CGREF1: variants seen among roughly 807,000 people sequenced by gnomAD.
The protein encoded by CGREF1 is cell growth regulator with EF-hand domain 1, also known as cell growth regulator with EF hand domain protein 1.
CGREF1 carries 16 observed loss-of-function variants against 17.4 expected under a neutral mutation model. The ratio of observed to expected loss-of-function variants is 0.92; its 90% CI spans 0.62 to 1.40. The LOEUF is 1.40. Among genes scored for constraint, CGREF1 ranks in the 40% most tolerant of loss-of-function variants. The probability of loss-of-function intolerance (pLI) is 0.00; values close to 1 mark genes in which losing one functional copy is unlikely to be tolerated. For synonymous variants in CGREF1, 142 were observed against 154.6 expected, an observed-to-expected ratio of 0.92 and a Z score of 0.61; for missense variants, 296 against 376.4, an observed-to-expected ratio of 0.79 and a Z score of 1.77.
Position 27,102,186 on chromosome 2 carries a change from G to C in CGREF1, c.253C>G (p.Gln85Glu). ...LYLFALHDYD[Q>E]SGQLDGLELL... is the part of the protein sequence containing the mutation. ...TCCAGGCCATCCAGCTGTCCACTCT[G>C]GTCATAGTCATGGAGGGCAAAGAGG... The change falls in exon 5 of 6, where the codon CAG becomes GAG. Residue 85 changes from glutamine (Q) to glutamate (E), a missense_variant. By Grantham distance (29) the Gln-to-Glu change is conservative. This residue lies in a region of CGREF1 where 247 missense variants were observed against 267.2 expected (regional missense o/e 0.92). Transcript: ENST00000402394. 1 of 1,612,556 alleles carries C rather than the reference G, an allele frequency of 6.2e-7. No individual in the cohort carries two copies. Among genetic ancestry groups the C allele is most frequent in the Non-Finnish European group, 8.5e-7 (1 of 1,178,752 alleles).
At position 27,108,309 on chromosome 2, in the gene CGREF1, A is replaced by G. The variant is rs569845374; in HGVS notation, c.-11-3932T>C. Among the ~76,000 whole-genome samples, 5 of 152,336 alleles carry G rather than the reference A, an allele frequency of 3.3e-5. No homozygotes were observed. The South Asian group carries it at 1.0e-3, about 32-fold the overall frequency. ...AAAATGCAACGGGTGAGTTAAATTG[A>G]TTAGACACAACTGATATGAGAGTTA... On this transcript the variant is annotated intron_variant, in intron 1 of 5. Coordinates refer to ENST00000402394, the MANE Select transcript of CGREF1 (RefSeq NM_006569.6).
chr2:27,104,812 T>G, intron 1 of CGREF1: 1 of 1,451,360 alleles, frequency 6.9e-7, no homozygotes, highest in Non-Finnish European at 9.1e-7. Context: ...AGACCAAGAC[T>G]TAAACACAGG....
At position 27,102,459 on chromosome 2, in the gene CGREF1, GA is replaced by G. The variant is rs765209917; in HGVS notation, c.147-30del. The G allele has an allele frequency of 1.5e-5, 24 of 1,613,570 alleles. No individual in the cohort carries two copies. In the East Asian group the frequency reaches 4.9e-4, roughly 33 times the overall value. Reference sequence around the variant, plus strand: ...TCAGAAAAGTGGAGAATCAGCCCGGGAGAGGTGAGTCTGCAGCCCTGGGCCT... The same window carrying G: ...TCAGAAAAGTGGAGAATCAGCCCGGGGAGGTGAGTCTGCAGCCCTGGGCCT... On this transcript the variant is annotated intron_variant, in intron 3 of 5. Coordinates refer to ENST00000402394, the MANE Select transcript of CGREF1 (RefSeq NM_006569.6).
intron 1 of CGREF1, among the ~76,000 whole-genome samples, chr2:27,112,013 TCTCAC>T (rs1252897825): frequency 6.6e-6 from 1 of 152,190 alleles, no homozygotes; most frequent in Non-Finnish European, 1.5e-5. Flanking sequence ...CACTGTCACC[TCTCAC>T]CAGCACTTTG....
downstream of CGREF1, chr2:27,099,847 A>C: frequency 3.9e-6 from 6 of 1,555,348 alleles, no homozygotes; most frequent in Non-Finnish European, 5.2e-6. Flanking sequence ...TGCCCTGTTC[A>C]GGGGACAGAT....
At chr2:27,099,730 G>A (rs749711671), downstream of CGREF1, 4 of 1,614,142 alleles carry the variant, frequency 2.5e-6, no homozygotes, top group South Asian at 1.1e-5. Context: ...TGGCCTGCAG[G>A]GCTTTGATGG....
At position 27,100,623 on chromosome 2, in the gene CGREF1, C is replaced by T. The variant is rs1248356502; in HGVS notation, c.*651G>A. On this transcript the variant is annotated 3_prime_UTR_variant, in exon 6 of 6. Coordinates refer to ENST00000402394, the MANE Select transcript of CGREF1 (RefSeq NM_006569.6). ...TTAAAATCTGCCATTTAATTAGCTG[C>T]ATATCACCTTAGGGTACAGCACTTA... The T allele has an allele frequency of 2.8e-5, 33 of 1,176,344 alleles. 1 individual carries two copies. The highest frequency in any genetic ancestry group is 2.3e-4 in the Middle Eastern group (1 of 4,406). The allele number at this position is 1,176,344 out of a possible 1,614,324, so 72.9% of individuals were successfully genotyped here. A position where few individuals can be genotyped will look rare whatever the true frequency, so the allele number is the denominator to read the frequency against.
chr2:27,108,671 T>G (rs2148390809), intron 1 of CGREF1, among the ~76,000 whole-genome samples: 1 of 137,858 alleles, frequency 7.3e-6, no homozygotes, highest in Non-Finnish European at 1.6e-5. Context: ...GGAAAAGTAA[T>G]TAGACTGATA....
chr2:27,101,206 T>C lies in CGREF1; in HGVS notation c.*68A>G. The C allele has an allele frequency of 6.6e-7, 1 of 1,508,526 alleles. No homozygotes were observed. The allele number at this position is 1,508,526 out of a possible 1,614,324, so 93.4% of individuals were successfully genotyped here. On this transcript the variant is annotated 3_prime_UTR_variant, in exon 6 of 6. Transcript: ENST00000402394. ...AGATGGTCCTTGTCCCAGCGTACAT[T>C]TCCCCTGCCCACTTCAGGGCTTATG... is the stretch of plus-strand genomic sequence containing the variant.
At chr2:27,107,770 T>C (rs1311696436) in intron 1 of CGREF1, among the ~76,000 whole-genome samples, 1 of 149,944 alleles carries the variant, frequency 6.7e-6, no homozygotes, top group Non-Finnish European at 1.5e-5. Context: ...CCGTCTCTAC[T>C]AAAAATACAA....
Position 27,101,434 on chromosome 2 carries a change from TC to T in CGREF1, c.796del (p.Glu266LysfsTer56). The T allele has an allele frequency of 2.6e-4, 288 of 1,129,118 alleles. No homozygotes were observed. Among genetic ancestry groups the T allele is most frequent in the East Asian group, 8.7e-4 (15 of 17,292 alleles). The allele number at this position is 1,129,118 out of a possible 1,614,324, so 69.9% of individuals were successfully genotyped here. A position where few individuals can be genotyped will look rare whatever the true frequency, so the allele number is the denominator to read the frequency against. ...RGEAGGQAEA[E>X]GDAPGPRGEA... ...CCCTCTGGGCCCGGGGGCATCTCCT[TC>T]AGCCTCTGCCTGGCCCCCAGCTTCC... On this transcript the variant is annotated frameshift_variant, in exon 6 of 6. Coordinates refer to ENST00000402394, the MANE Select transcript of CGREF1 (RefSeq NM_006569.6). LOFTEE classifies it low-confidence loss of function (END_TRUNC).
chr2:27,103,881 G>A (rs890511667), intron 2 of CGREF1, among the ~76,000 whole-genome samples: 1 of 152,100 alleles, frequency 6.6e-6, no homozygotes, highest in Admixed American at 6.5e-5. Context: ...TACTCGGGAG[G>A]CTGAGGCAGA....
intron 2 of CGREF1, chr2:27,102,958 C>A (rs1670963944): frequency 1.0e-6 from 1 of 985,336 alleles, no homozygotes; most frequent in South Asian, 4.7e-5. Flanking sequence ...TGCTGGGAGC[C>A]AAGGGACAGG....
downstream of CGREF1, chr2:27,100,096 G>A (rs1670717998): frequency 2.6e-5 from 15 of 586,364 alleles, 1 homozygote; most frequent in South Asian, 2.8e-4. Flanking sequence ...GGGGCTGCCT[G>A]GGCTAGAGCA....
chr2:27,116,713 GCA>G (rs1303959142), intron 1 of CGREF1, among the ~76,000 whole-genome samples: 1 of 150,440 alleles, frequency 6.6e-6, no homozygotes, highest in South Asian at 2.1e-4. Context: ...GGGATTACAG[GCA>G]TGTGCCACCA....
downstream of CGREF1, chr2:27,100,494 G>T (rs1404645455): frequency 1.5e-6 from 2 of 1,290,990 alleles, no homozygotes; most frequent in East Asian, 5.5e-5. Context: ...GGTCCGATCT[G>T]GAACACATAT....
chr2:27,100,148 G>A, downstream of CGREF1: 1 of 517,396 alleles, frequency 1.9e-6, no homozygotes, highest in Non-Finnish European at 3.5e-6. Flanking sequence ...TGCCCTGGCT[G>A]GGGAGGACAC....
chr2:27,102,194 TC>T lies in CGREF1; in HGVS notation c.244del (p.Asp82ThrfsTer17). ...QVLLYLFALH[D>X]YDQSGQLDGL... The stretch of plus-strand genomic sequence containing the variant: ...ATCCAGCTGTCCACTCTGGTCATAG[TC>T]ATGGAGGGCAAAGAGGTAGAGGAGA... On this transcript the variant is annotated frameshift_variant, in exon 5 of 6. Coordinates refer to ENST00000402394, the MANE Select transcript of CGREF1 (RefSeq NM_006569.6). LOFTEE classifies it high-confidence loss of function. 1 of 1,612,342 alleles carries T rather than the reference TC, an allele frequency of 6.2e-7. No homozygotes were observed. The highest frequency in any genetic ancestry group is 8.5e-7 in the Non-Finnish European group (1 of 1,178,588).
chr2:27,110,687 T>G, intron 1 of CGREF1: 1 of 157,480 alleles, frequency 6.4e-6, no homozygotes, highest in Non-Finnish European at 1.4e-5. Flanking sequence ...AATCCCAGTG[T>G]GTCCGGAATT....
Sources: gnomAD v4.1 joint callset for allele counts (sites outside exome capture counted in the v4.1 genomes callset) on GRCh38, gnomAD v4.1.1 for gene constraint, gnomAD v4.1.1 regional missense constraint, MANE v1.5 for transcripts, NCBI Gene and HGNC (gene_info 2026-07-23, HGNC 2026-07-21) for gene names.